Variants in TMEM120B observed in about 807,000 individuals in gnomAD.
TMEM120B encodes the protein transmembrane protein 120B.
In TMEM120B, 31 loss-of-function variants were observed where a neutral mutation model predicts 55.5. The ratio of observed to expected loss-of-function variants is 0.56; its 90% confidence interval spans 0.42 to 0.75. The LOEUF is 0.75. Ranked by LOEUF, TMEM120B falls within the 30% of genes least tolerant of loss-of-function variation. The pLI, the probability that TMEM120B is intolerant of heterozygous loss-of-function variation, is 0.00. For missense variants in TMEM120B, 399 were observed against 425.5 expected (o/e 0.94, Z 0.55); for synonymous variants, 203 against 176.3 (o/e 1.15, Z -1.20).
At chr12:121,765,787 G>A (rs938880995) in intron 6 of TMEM120B, among the ~76,000 whole-genome samples, 2 of 152,180 alleles carry the variant, frequency 1.3e-5, no homozygotes, top group Non-Finnish European at 1.5e-5. Flanking sequence ...CCCTCCTCCA[G>A]CTCCTCCTCA....
chr12:121,730,394 C>G (rs930753805), intron 1 of TMEM120B, among the ~76,000 whole-genome samples: 5 of 151,448 alleles, frequency 3.3e-5, no homozygotes, highest in Non-Finnish European at 7.4e-5. Flanking sequence ...CACCTGTAAT[C>G]TCAGCACTTT....
At chr12:121,745,567 C>G (rs1873056463) in intron 2 of TMEM120B, among the ~76,000 whole-genome samples, 1 of 150,520 alleles carries the variant, frequency 6.6e-6, no homozygotes, top group South Asian at 2.1e-4. Context: ...AATTTTTGTA[C>G]TTTTACTAGA....
At chr12:121,718,622 C>T (rs1169575292) in intron 1 of TMEM120B, among the ~76,000 whole-genome samples, 1 of 152,132 alleles carries the variant, frequency 6.6e-6, no homozygotes, top group Non-Finnish European at 1.5e-5. Flanking sequence ...GAACCCATGC[C>T]TGCTGTATAA....
At chr12:121,727,962 A>G (rs960436073) in intron 1 of TMEM120B, among the ~76,000 whole-genome samples, 1 of 151,928 alleles carries the variant, frequency 6.6e-6, no homozygotes, top group African/African-American at 2.4e-5. Flanking sequence ...CTTTGCTCAG[A>G]AGGAAAGTTC....
intron 6 of TMEM120B, among the ~76,000 whole-genome samples, chr12:121,769,062 C>T (rs570005361): frequency 4.4e-4 from 67 of 151,758 alleles, no homozygotes; most frequent in Non-Finnish European, 6.6e-4. Flanking sequence ...AGGAGAATTG[C>T]CTGAACCCAG....
chr12:121,724,511 A>T (rs977602268), intron 1 of TMEM120B, among the ~76,000 whole-genome samples: 2 of 151,268 alleles, frequency 1.3e-5, no homozygotes, highest in African/African-American at 4.9e-5. Flanking sequence ...GAGAAGATGG[A>T]TGTTAATTAA....
intron 6 of TMEM120B, among the ~76,000 whole-genome samples, chr12:121,768,866 C>T (rs920665975): frequency 1.3e-5 from 2 of 152,082 alleles, no homozygotes; most frequent in Non-Finnish European, 2.9e-5. Context: ...CCCAGCTGGG[C>T]CGGGTGCAGT....
At position 121,775,697 on chromosome 12, in the gene TMEM120B, A is replaced by G; in HGVS notation, c.995A>G (p.Asn332Ser). 2 of 1,614,062 alleles carry G rather than the reference A, an allele frequency of 1.2e-6. No homozygotes were observed. The highest frequency in any genetic ancestry group is 2.2e-5 in the East Asian group (1 of 44,878). ...GTCGTGCATGCCAAGCTCCAGAAGA[A>G]CAGAGGCAAGACAAAGCAGCCGTGA... ...LKVVHAKLQKNRGKTKQP is the reference protein window; with the variant it reads ...LKVVHAKLQKSRGKTKQP The change falls in exon 12 of 12, where the codon AAC (asparagine) becomes AGC (serine). Residue 332 changes from asparagine to serine, a missense_variant. By Grantham distance (46) the Asn-to-Ser change is conservative (BLOSUM62 1). Transcript: ENST00000449592. The surrounding 1 kb of genome is among the most constrained non-coding windows in gnomAD (Gnocchi z 4.3).
intron 2 of TMEM120B, among the ~76,000 whole-genome samples, chr12:121,744,173 C>T (rs1035442620): frequency 8.6e-5 from 13 of 152,028 alleles, no homozygotes; most frequent in Non-Finnish European, 1.6e-4. Flanking sequence ...ATTCTCCTGC[C>T]TCAGCCTCCT....
At chr12:121,744,264 T>G (rs1242588343) in intron 2 of TMEM120B, among the ~76,000 whole-genome samples, 1 of 152,174 alleles carries the variant, frequency 6.6e-6, no homozygotes, top group Non-Finnish European at 1.5e-5. Context: ...ACATTCTGGG[T>G]TCAGTCCTCA....
chr12:121,742,322 A>T (rs188780249), intron 1 of TMEM120B, among the ~76,000 whole-genome samples: 4 of 151,908 alleles, frequency 2.6e-5, no homozygotes, highest in East Asian at 3.9e-4. Context: ...TTTCATACCT[A>T]GGTGCCTTGC....
intron 1 of TMEM120B, among the ~76,000 whole-genome samples, chr12:121,741,680 T>C (rs539427217): frequency 5.4e-4 from 82 of 152,286 alleles, no homozygotes; most frequent in African/African-American, 1.9e-3. Context: ...AGTCTCACTC[T>C]GGAGTGCAGT....
intron 1 of TMEM120B, among the ~76,000 whole-genome samples, chr12:121,720,335 T>A (rs935626684): frequency 6.6e-6 from 1 of 152,220 alleles, no homozygotes; most frequent in Non-Finnish European, 1.5e-5. Flanking sequence ...TCCTTGGTGG[T>A]GTTTCTATGG....
intron 6 of TMEM120B, among the ~76,000 whole-genome samples, chr12:121,765,814 G>T (rs1873828254): frequency 6.6e-6 from 1 of 152,126 alleles, no homozygotes; most frequent in Admixed American, 6.6e-5. Flanking sequence ...ATTGATCCTG[G>T]GGGCAGGCAA....
rs1874210723 is a variant in TMEM120B, at chr12:121,775,538, C to T, written c.907-71C>T. ...TTTGGGGGCAGCTGTGCTGGAGATT[C>T]TGGGGTGCTGGGGGCAGGGGTTCAG... On this transcript the variant is annotated intron_variant, in intron 11 of 11. Transcript: ENST00000449592. The surrounding 1 kb of genome is among the most constrained non-coding windows in gnomAD (Gnocchi z 4.3). 1 of 1,541,756 alleles carries T rather than the reference C, an allele frequency of 6.5e-7. No individual in the cohort carries two copies. The highest frequency in any genetic ancestry group is 8.7e-7 in the Non-Finnish European group (1 of 1,145,986).
At chr12:121,735,451 T>A (rs1592930263) in intron 1 of TMEM120B, among the ~76,000 whole-genome samples, 1 of 151,262 alleles carries the variant, frequency 6.6e-6, no homozygotes, top group Admixed American at 6.6e-5. Context: ...CAGGCTGGAG[T>A]GCAGTGGCAC....
intron 6 of TMEM120B, among the ~76,000 whole-genome samples, chr12:121,768,231 G>A (rs560310865): frequency 1.5e-3 from 233 of 152,300 alleles, no homozygotes; most frequent in African/African-American, 4.2e-3. Context: ...TCACCTCTGC[G>A]CTGGTGGCAT....
intron 2 of TMEM120B, among the ~76,000 whole-genome samples, chr12:121,746,311 C>T (rs1873081734): frequency 6.6e-6 from 1 of 152,132 alleles, no homozygotes. Context: ...CCTCAGCCTC[C>T]CGAGTAGCTG....
intron 1 of TMEM120B, among the ~76,000 whole-genome samples, chr12:121,740,435 A>T (rs1872901999): frequency 6.6e-6 from 1 of 152,054 alleles, no homozygotes; most frequent in Admixed American, 6.6e-5. Flanking sequence ...CAGTGATTCG[A>T]GATCATGCCA....
Sources: gnomAD v4.1 joint callset for allele counts (sites outside exome capture counted in the v4.1 genomes callset) on GRCh38, gnomAD v4.1.1 for gene constraint, Gnocchi (gnomAD v3.1) non-coding constraint, MANE v1.5 for transcripts, NCBI Gene and HGNC (gene_info 2026-07-23, HGNC 2026-07-21) for gene names.